Variants in LPAR5 observed in about 807,000 individuals in gnomAD.
The protein encoded by LPAR5 is G protein-coupled receptor 92.
For missense variants in LPAR5, 544 were observed against 521.8 expected (o/e 1.04, Z -0.41); for synonymous variants, 271 against 261.6 (o/e 1.04, Z -0.35).
Position 6,620,786 on chromosome 12 carries a change from G to A in LPAR5, c.463C>T (p.Pro155Ser). ...GAGGGCCTGTGCACGCGGGCGGCGG[G>A]CACGGCAAACACCAGGATGAGCGCC... Reference protein sequence around the residue: ...VWALILVFAVPAARVHRPSRC... With the variant: ...VWALILVFAVSAARVHRPSRC... Residue 155 changes from proline (P) to serine (S), a missense_variant, in exon 2 of 2, where the codon CCC becomes TCC. By Grantham distance (74) the Pro-to-Ser change is moderately conservative. Coordinates refer to ENST00000329858, the MANE Select transcript of LPAR5 (RefSeq NM_020400.6). The surrounding 1 kb of genome is among the most constrained non-coding windows in gnomAD (Gnocchi z 6.8). The A allele has an allele frequency of 6.3e-7, 1 of 1,582,022 alleles. No individual in the cohort carries two copies. Among genetic ancestry groups the A allele is most frequent in the South Asian group, 1.1e-5 (1 of 87,646 alleles).
chr12:6,635,728 C>T (rs769571422), intron 1 of LPAR5, among the ~76,000 whole-genome samples, 179 bp downstream of exon 1: 1 of 152,174 alleles, frequency 6.6e-6, no homozygotes, highest in Non-Finnish European at 1.5e-5. Flanking sequence ...GTTTGTCCAG[C>T]GCCATCTGAA....
Position 6,621,177 on chromosome 12 carries a change from C to A in LPAR5, c.72G>T (p.Leu24=). The change falls in exon 2 of 2, where the codon CTG becomes CTT. Residue 24 remains leucine (L), a synonymous_variant. Coordinates refer to ENST00000329858, the MANE Select transcript of LPAR5 (RefSeq NM_020400.6). ...PCPDYRPTHR[L]HLVVYSLVLA... ...GCACCAAGCTGTAGACCACCAAGTGCAGGCGGTGGGTAGGTCGGTAGTCAG... is the reference window on the plus strand; with the variant it reads ...GCACCAAGCTGTAGACCACCAAGTGAAGGCGGTGGGTAGGTCGGTAGTCAG... The A allele has an allele frequency of 6.4e-7, 1 of 1,574,332 alleles. No homozygotes were observed. The highest frequency in any genetic ancestry group is 1.8e-5 in the Admixed American group (1 of 54,398).
At chr12:6,627,283 C>T (rs1156664281) in intron 1 of LPAR5, among the ~76,000 whole-genome samples, 1 of 151,218 alleles carries the variant, frequency 6.6e-6, no homozygotes, top group African/African-American at 2.4e-5. Context: ...CAGAGTGAGA[C>T]TCCGTCTAAA....
chr12:6,622,409 CAA>C (rs1233588792), intron 1 of LPAR5, among the ~76,000 whole-genome samples: 5 of 150,760 alleles, frequency 3.3e-5, no homozygotes, highest in African/African-American at 1.2e-4. Context: ...GCCTGGGCAA[CAA>C]GAGTGAAACT....
rs780286302 is a variant in LPAR5, at chr12:6,620,767, C to G, written c.482G>C (p.Arg161Thr). 7.4e-5 allele frequency: 117 copies of G among 1,590,732 alleles called. No homozygotes were observed. The highest frequency in any genetic ancestry group is 8.9e-5 in the Non-Finnish European group (104 of 1,169,242). The change falls in exon 2 of 2, where the codon AGG becomes ACG. Residue 161 changes from arginine to threonine, a missense_variant. Arg to Thr is a moderately conservative substitution (Grantham distance 71). Transcript: ENST00000329858. This position sits in a 1 kb window ranked among gnomAD's most constrained non-coding sequence, Gnocchi z 6.8. ...GTCCCGGTAGCGGCAACGCGAGGGC[C>G]TGTGCACGCGGGCGGCGGGCACGGC... ...VFAVPAARVH[R>T]PSRCRYRDLE...
At chr12:6,628,831 C>T (rs1948963463) in intron 1 of LPAR5, among the ~76,000 whole-genome samples, 1 of 151,828 alleles carries the variant, frequency 6.6e-6, no homozygotes, top group African/African-American at 2.4e-5. Flanking sequence ...GGGGTTTCTC[C>T]ATGTTGGTCA....
In LPAR5 at chr12:6,620,391, G is replaced by C. The variant is rs753632355; in HGVS notation, c.858C>G (p.Ala286=). ...GCGGGTCCAGCACGCAGTTGGCGCCGGCCAGCAGCACCATCACCATCAGCA... is the reference window on the plus strand; with the variant it reads ...GCGGGTCCAGCACGCAGTTGGCGCCCGCCAGCAGCACCATCACCATCAGCA... ...RGVLMVMVLL[A]GANCVLDPLV... Residue 286 remains alanine, a synonymous_variant, in exon 2 of 2, where the codon GCC becomes GCG. Transcript: ENST00000329858. This position sits in a 1 kb window ranked among gnomAD's most constrained non-coding sequence, Gnocchi z 6.8. 1 of 1,611,424 alleles carries C rather than the reference G, an allele frequency of 6.2e-7. No individual in the cohort carries two copies. Among genetic ancestry groups the C allele is most frequent in the Non-Finnish European group, 8.5e-7 (1 of 1,179,206 alleles).
At chr12:6,632,390 G>A (rs956501176) in intron 1 of LPAR5, among the ~76,000 whole-genome samples, 1 of 152,134 alleles carries the variant, frequency 6.6e-6, no homozygotes, top group Non-Finnish European at 1.5e-5. Context: ...ATCAGCTCTG[G>A]AATAGCCCCA....
chr12:6,631,257 A>T lies in LPAR5; in HGVS notation c.-217+4650T>A, dbSNP rs1025012524. Among the ~76,000 whole-genome samples, 5 of 152,348 alleles carry T rather than the reference A, an allele frequency of 3.3e-5. No homozygotes were observed. In the South Asian group the frequency reaches 6.2e-4, roughly 19 times the overall value. ...AGATGTGCACACAAGACCCCTAGTAACATAGAACTCAGTGTCTATACACAT... is the reference window on the plus strand; with the variant it reads ...AGATGTGCACACAAGACCCCTAGTATCATAGAACTCAGTGTCTATACACAT... On this transcript the variant is annotated intron_variant, in intron 1 of 1. Coordinates refer to ENST00000329858, the MANE Select transcript of LPAR5 (RefSeq NM_020400.6).
intron 1 of LPAR5, among the ~76,000 whole-genome samples, chr12:6,628,093 C>T (rs1239576516): frequency 7.2e-6 from 1 of 139,346 alleles, no homozygotes; most frequent in South Asian, 2.2e-4. Context: ...TCAATCTGGG[C>T]TCACTGCAAG....
At chr12:6,626,193 C>G (rs61918046) in intron 1 of LPAR5, among the ~76,000 whole-genome samples, 1 of 152,094 alleles carries the variant, frequency 6.6e-6, no homozygotes, top group African/African-American at 2.4e-5. Flanking sequence ...ATCGCTTGAA[C>G]CCAGGAGGCA....
chr12:6,622,296 C>T (rs1254839195), intron 1 of LPAR5, among the ~76,000 whole-genome samples: 4 of 147,278 alleles, frequency 2.7e-5, no homozygotes, highest in Admixed American at 2.1e-4. Flanking sequence ...GGCATAGGGG[C>T]GGGCGCCTGT....
Position 6,621,483 on chromosome 12 carries a change from C to A in LPAR5, c.-216-19G>T. On this transcript the variant is annotated intron_variant, in intron 1 of 1. Transcript: ENST00000329858. ...CAGAGACCTGGAATAGGAAGGCAAG[C>A]CGGAAGTTATACAGAGACAGGGCTG... 1 of 421,364 alleles carries A rather than the reference C, an allele frequency of 2.4e-6. No homozygotes were observed. Among genetic ancestry groups the A allele is most frequent in the African/African-American group, 2.0e-5 (1 of 48,832 alleles). The allele number at this position is 421,364 out of a possible 1,614,324, so 26.1% of individuals were successfully genotyped here. A position where few individuals can be genotyped will look rare whatever the true frequency, so the allele number is the denominator to read the frequency against.
rs962670099 is a variant in LPAR5, at chr12:6,619,710, A to G, written c.*420T>C. ...CCTAGACAGAAGTCAGCAGATGAACAGGCATCTCAGTAGCTTTGTCCACCA... is the reference window on the plus strand; with the variant it reads ...CCTAGACAGAAGTCAGCAGATGAACGGGCATCTCAGTAGCTTTGTCCACCA... On this transcript the variant is annotated 3_prime_UTR_variant, in exon 2 of 2. Transcript: ENST00000329858. 5.6e-6 allele frequency: 2 copies of G among 357,506 alleles called. No homozygotes were observed. Among genetic ancestry groups the G allele is most frequent in the African/African-American group, 4.3e-5 (2 of 47,040 alleles). 22.1% of individuals were successfully genotyped at this position (357,506 alleles called of 1,614,324 possible).
At chr12:6,628,899 C>A (rs1161215198) in intron 1 of LPAR5, among the ~76,000 whole-genome samples, 1 of 151,670 alleles carries the variant, frequency 6.6e-6, no homozygotes, top group Non-Finnish European at 1.5e-5. Flanking sequence ...CCAAAAAATG[C>A]TGGGATTACA....
rs150510866 is a variant in LPAR5 at position 6,620,172 on chromosome 12, A to T, written c.1077T>A (p.Ser359=). The T allele has an allele frequency of 6.2e-7, 1 of 1,613,400 alleles. No individual in the cohort carries two copies. Among genetic ancestry groups the T allele is most frequent in the Non-Finnish European group, 8.5e-7 (1 of 1,179,524 alleles). ...QGLLRPSDSH[S]LSSFTQCPQD... The stretch of plus-strand genomic sequence containing the variant: ...GGGGACACTGTGTGAAGGAAGACAG[A>T]GAGTGGGAGTCGGAGGGTCGGAGCA... The change falls in exon 2 of 2, where the codon TCT becomes TCA. Residue 359 remains serine (S), a synonymous_variant. Transcript: ENST00000329858. The surrounding 1 kb of genome is among the most constrained non-coding windows in gnomAD (Gnocchi z 6.8).
chr12:6,634,686 C>T (rs1949000184), intron 1 of LPAR5, among the ~76,000 whole-genome samples: 2 of 149,998 alleles, frequency 1.3e-5, no homozygotes, highest in Admixed American at 1.3e-4. Context: ...GTCCCAGGTA[C>T]TCGGGAGGCT....
chr12:6,624,641 A>T (rs985171481), intron 1 of LPAR5, among the ~76,000 whole-genome samples: 1 of 151,752 alleles, frequency 6.6e-6, no homozygotes, highest in Non-Finnish European at 1.5e-5. Context: ...TTTCTTTGAG[A>T]CCTAGTTTCG....
intron 1 of LPAR5, among the ~76,000 whole-genome samples, chr12:6,623,386 T>C (rs1006231456): frequency 3.9e-5 from 6 of 152,024 alleles, no homozygotes; most frequent in Non-Finnish European, 5.9e-5. Context: ...ATACAAAGAT[T>C]AGCCGGGTAT....
Sources: gnomAD v4.1 joint callset for allele counts (sites outside exome capture counted in the v4.1 genomes callset) on GRCh38, gnomAD v4.1.1 for gene constraint, Gnocchi (gnomAD v3.1) non-coding constraint, MANE v1.5 for transcripts, NCBI Gene and HGNC (gene_info 2026-07-23, HGNC 2026-07-21) for gene names.